CACNA1D: variants seen among roughly 807,000 people sequenced by gnomAD.
The protein encoded by CACNA1D is voltage-dependent L-type calcium channel subunit alpha-1D.
CACNA1D carries 55 observed loss-of-function variants against 257.1 expected under a neutral mutation model. The observed-to-expected ratio is 0.21, with a 90% CI of 0.17 to 0.27. CACNA1D has a LOEUF of 0.27. Ranked by LOEUF, CACNA1D falls within the 10% of genes least tolerant of loss-of-function variation. The pLI, the probability that CACNA1D is intolerant of heterozygous loss-of-function variation, is 1.00. For synonymous variants in CACNA1D, 980 were observed against 1,014.9 expected (o/e 0.97, Z 0.65); for missense variants, 1,876 against 2,784.0 (o/e 0.67, Z 7.34).
chr3:53,755,862 T>C (rs2095261444), intron 29 of CACNA1D, among the ~76,000 whole-genome samples: 1 of 152,108 alleles, frequency 6.6e-6, no homozygotes, highest in Admixed American at 6.5e-5. Flanking sequence ...AAGTGGTCTT[T>C]CACAAAGAAG....
At chr3:53,747,746 G>A (rs922038179) in intron 26 of CACNA1D, among the ~76,000 whole-genome samples, 3 of 152,140 alleles carry the variant, frequency 2.0e-5, no homozygotes, top group Admixed American at 6.5e-5. Flanking sequence ...GCTGCCATCC[G>A]CTGCTCCCAA....
chr3:53,665,500 A>G lies in CACNA1D; in HGVS notation c.767-160A>G, dbSNP rs73842064. On this transcript the variant is annotated intron_variant, in intron 5 of 47. Coordinates refer to ENST00000350061, the MANE Select transcript of CACNA1D (RefSeq NM_001128840.3). ...GATCCTTAAGGTTCCTTTTCAGTCT[A>G]TCTCACATCCAGGCTTAATATTAAT... Among the ~76,000 whole-genome samples, 3,120 of 152,246 alleles carry G rather than the reference A, an allele frequency of 0.02. 106 individuals carry two copies. The highest frequency in any genetic ancestry group is 0.071 in the African/African-American group (2,932 of 41,534).
Position 53,507,083 on chromosome 3 carries a change from A to AC in CACNA1D, c.483+5363_483+5364insC, listed in dbSNP as rs1292436374. On this transcript the variant is annotated intron_variant, in intron 3 of 47. Coordinates refer to ENST00000350061, the MANE Select transcript of CACNA1D (RefSeq NM_001128840.3). ...GCAAGACTCTATCTCAAAAAAAAAA[A>AC]AAAAAAAAAACAAAAAAATGTGGTA... Among the ~76,000 whole-genome samples, 4 of 150,832 alleles carry AC rather than the reference A, an allele frequency of 2.7e-5. No homozygotes were observed. In the East Asian group the frequency reaches 7.8e-4, roughly 30 times the overall value.
rs1403239956 is a variant in CACNA1D, at chr3:53,810,196, C to T, written c.6090C>T (p.Asp2030=). The change falls in exon 47 of 48, where the codon GAC becomes GAT. Residue 2030 remains aspartate, a synonymous_variant. Transcript: ENST00000350061. ...HRSSWYTDEP[D]ISYRTFTPAS... is the part of the protein sequence containing the mutation. The stretch of plus-strand genomic sequence containing the variant: ...GCTCCTGGTACACAGACGAGCCCGA[C>T]ATCTCCTACCGGACTTTCACACCAG... The T allele has an allele frequency of 2.5e-6, 4 of 1,613,994 alleles. No individual in the cohort carries two copies. The highest frequency in any genetic ancestry group is 2.2e-5 in the East Asian group (1 of 44,880).
chr3:53,694,020 G>A (rs909100214), intron 8 of CACNA1D, among the ~76,000 whole-genome samples: 1 of 152,168 alleles, frequency 6.6e-6, no homozygotes, highest in Non-Finnish European at 1.5e-5. Context: ...AGCAAACTGC[G>A]TGTCCTCTTG....
intron 29 of CACNA1D, among the ~76,000 whole-genome samples, chr3:53,760,471 C>A (rs1033159489): frequency 6.6e-6 from 1 of 152,062 alleles, no homozygotes; most frequent in South Asian, 2.1e-4. Flanking sequence ...ATAATATGTA[C>A]CTGAATTTTC....
At chr3:53,551,805 T>G (rs754111337) in intron 3 of CACNA1D, among the ~76,000 whole-genome samples, 5 of 152,206 alleles carry the variant, frequency 3.3e-5, no homozygotes, top group African/African-American at 4.8e-5. Flanking sequence ...TGGCCGTGCC[T>G]CCTCCTCGAT....
intron 8 of CACNA1D, among the ~76,000 whole-genome samples, chr3:53,682,365 T>TAAAAAAAAAAAAAAAAAAAAAAA (rs3082718): frequency 4.2e-4 from 20 of 47,366 alleles, no homozygotes; most frequent in East Asian, 1.3e-3. Context: ...TTGTCTCTGG[T>TAAAAAAAAAAAAAAAAAAAAAAA]AAAAAAAAAA....
At position 53,495,090 on chromosome 3, in the gene CACNA1D, C is replaced by G; in HGVS notation, c.-77C>G. 9.1e-7 allele frequency: 1 copy of G among 1,096,310 alleles called. No individual in the cohort carries two copies. Among genetic ancestry groups the G allele is most frequent in the South Asian group, 1.2e-5 (1 of 81,264 alleles). The allele number at this position is 1,096,310 out of a possible 1,614,324, so 67.9% of individuals were successfully genotyped here. A position where few individuals can be genotyped will look rare whatever the true frequency, so the allele number is the denominator to read the frequency against. On this transcript the variant is annotated 5_prime_UTR_variant, in exon 1 of 48. Transcript: ENST00000350061. This position sits in a 1 kb window ranked among gnomAD's most constrained non-coding sequence, Gnocchi z 5.1. ...CCGCGGCTCCTACCTCTTGGTGATC[C>G]CCTTCCCCATTCCGCCCCCGCCTCA...
At chr3:53,534,873 C>T (rs534595079) in intron 3 of CACNA1D, among the ~76,000 whole-genome samples, 1 of 152,298 alleles carries the variant, frequency 6.6e-6, no homozygotes, top group East Asian at 1.9e-4. Flanking sequence ...TCCACTCACG[C>T]CAGCTCCCCC....
chr3:53,805,011 C>T lies in CACNA1D; in HGVS notation c.5614C>T (p.Pro1872Ser). The change falls in exon 45 of 48, where the codon CCA becomes TCA. Residue 1872 changes from proline (P) to serine (S), a missense_variant. Transcript: ENST00000350061. ...RQNYGYYSRY[P>S]GRNIDSERPR... ...AAACTATGGCTACTACAGCAGATAC[C>T]CAGGCAGAAACATCGACTCTGAGAG... 1.2e-6 allele frequency: 2 copies of T among 1,614,164 alleles called. No homozygotes were observed. Among genetic ancestry groups the T allele is most frequent in the Non-Finnish European group, 1.7e-6 (2 of 1,180,016 alleles).
At chr3:53,590,434 G>A (rs1193211475) in intron 3 of CACNA1D, among the ~76,000 whole-genome samples, 1 of 152,238 alleles carries the variant, frequency 6.6e-6, no homozygotes, top group East Asian at 1.9e-4. Context: ...GCCCAGGGTT[G>A]TATAGGGCAG....
At chr3:53,730,893 A>C in intron 16 of CACNA1D, 184 bp from the exon 17 acceptor site, 2 of 614,850 alleles carry the variant, frequency 3.3e-6, no homozygotes. Flanking sequence ...TGTGTAATGA[A>C]TCCATCGCAT....
In CACNA1D at chr3:53,774,386, G is replaced by C. The variant is rs552669858; in HGVS notation, c.4111-201G>C. 42 of 577,504 alleles carry C rather than the reference G, an allele frequency of 7.3e-5. No homozygotes were observed. The highest frequency in any genetic ancestry group is 7.1e-4 in the African/African-American group (38 of 53,420). 35.8% of individuals were successfully genotyped at this position (577,504 alleles called of 1,614,324 possible). A position where few individuals can be genotyped will look rare whatever the true frequency, so the allele number is the denominator to read the frequency against. Reference sequence around the variant, plus strand: ...GCGAATGTGAGACCGTGCCCCTCTGGAGCACCACGTTCCCAGTGTGTAACC... The same window carrying C: ...GCGAATGTGAGACCGTGCCCCTCTGCAGCACCACGTTCCCAGTGTGTAACC... On this transcript the variant is annotated intron_variant, in intron 33 of 47. Transcript: ENST00000350061. The surrounding 1 kb of genome is among the most constrained non-coding windows in gnomAD (Gnocchi z 4.3).
intron 3 of CACNA1D, among the ~76,000 whole-genome samples, chr3:53,581,719 C>G (rs998732903): frequency 6.6e-6 from 1 of 152,180 alleles, no homozygotes; most frequent in African/African-American, 2.4e-5. Flanking sequence ...GGCCCAGGGT[C>G]CTAGGGCTGG....
At chr3:53,553,167 C>G (rs1345099294) in intron 3 of CACNA1D, among the ~76,000 whole-genome samples, 1 of 152,236 alleles carries the variant, frequency 6.6e-6, no homozygotes, top group East Asian at 1.9e-4. Context: ...TTAACCAATT[C>G]TAGTTGACAC....
Position 53,808,538 on chromosome 3 carries a change from A to G in CACNA1D, c.5750-111A>G, listed in dbSNP as rs559865876. 1.5e-4 allele frequency: 202 copies of G among 1,322,218 alleles called. No homozygotes were observed. In the African/African-American group the frequency reaches 2.7e-3, roughly 18 times the overall value. The allele number at this position is 1,322,218 out of a possible 1,614,324, so 81.9% of individuals were successfully genotyped here. On this transcript the variant is annotated intron_variant, in intron 45 of 47. Coordinates refer to ENST00000350061, the MANE Select transcript of CACNA1D (RefSeq NM_001128840.3). Reference sequence around the variant, plus strand: ...CTAATCTTTCTCTTGGACAAACCGCATGCTTCTTCCTGGGCTCGTTGCTGA... The same window carrying G: ...CTAATCTTTCTCTTGGACAAACCGCGTGCTTCTTCCTGGGCTCGTTGCTGA...
chr3:53,760,194 C>T (rs562249940), intron 29 of CACNA1D, among the ~76,000 whole-genome samples: 2 of 152,186 alleles, frequency 1.3e-5, no homozygotes, highest in East Asian at 1.9e-4. Flanking sequence ...GAAGCAAACC[C>T]GAAGTCAGTG....
intron 3 of CACNA1D, among the ~76,000 whole-genome samples, chr3:53,559,145 A>G (rs765162943): frequency 1.3e-4 from 20 of 152,178 alleles, no homozygotes; most frequent in Non-Finnish European, 2.5e-4. Context: ...TATTACCTCC[A>G]GTCTGCAATT....
Sources: gnomAD v4.1 joint callset for allele counts (sites outside exome capture counted in the v4.1 genomes callset) on GRCh38, gnomAD v4.1.1 for gene constraint, Gnocchi (gnomAD v3.1) non-coding constraint, MANE v1.5 for transcripts, NCBI Gene and HGNC (gene_info 2026-07-23, HGNC 2026-07-21) for gene names.